The following PYHIN1 variants were observed in gnomAD, a reference collection of about 807,000 sequenced individuals.
The protein encoded by PYHIN1 is pyrin and HIN domain-containing protein 1.
PYHIN1 carries 32 observed loss-of-function variants against 43.7 expected under a neutral mutation model. The observed-to-expected ratio is 0.73, with a 90% CI of 0.55 to 0.98. The LOEUF is 0.98. PYHIN1 is among the 50% of genes least tolerant of loss of function. The probability of loss-of-function intolerance (pLI) is 0.00; values close to 1 mark genes in which losing one functional copy is unlikely to be tolerated. For missense variants in PYHIN1, 588 were observed against 589.5 expected (o/e 1.00, Z 0.03); for synonymous variants, 205 against 203.1 (o/e 1.01, Z -0.08).
chr1:158,953,302 A>G (rs562885084), intron 7 of PYHIN1, among the ~76,000 whole-genome samples: 222 of 146,410 alleles, frequency 1.5e-3, no homozygotes, highest in Non-Finnish European at 1.6e-3. Context: ...GGGGCAGGGC[A>G]CAGACAAACA....
intron 2 of PYHIN1, among the ~76,000 whole-genome samples, chr1:158,938,167 C>G (rs1280604982): frequency 6.6e-6 from 1 of 152,140 alleles, no homozygotes; most frequent in Non-Finnish European, 1.5e-5. Flanking sequence ...GAAGGATGTT[C>G]TCACTGCACA....
In PYHIN1 at chr1:158,939,112, A is replaced by T; in HGVS notation, c.444A>T (p.Gly148=). 1 of 1,603,626 alleles carries T rather than the reference A, an allele frequency of 6.2e-7. No individual in the cohort carries two copies. Among genetic ancestry groups the T allele is most frequent in the Non-Finnish European group, 8.5e-7 (1 of 1,177,448 alleles). Residue 148 remains glycine, a synonymous_variant, in exon 4 of 9, where the codon GGA becomes GGT. Transcript: ENST00000368140. Reference sequence around the variant, plus strand: ...AAAAACCATCTGAAGAAGAGACTGGAACCAAAAGGAGTAAGATGTCCAAAG... The same window carrying T: ...AAAAACCATCTGAAGAAGAGACTGGTACCAAAAGGAGTAAGATGTCCAAAG... The part of the protein sequence containing the change: ...KRKKPSEEET[G]TKRSKMSKEQ...
intron 7 of PYHIN1, 133 bp from the exon 8 acceptor site, chr1:158,973,514 C>CAA: frequency 1.3e-6 from 1 of 782,836 alleles, no homozygotes; most frequent in Non-Finnish European, 2.0e-6. Context: ...TTCACACACA[C>CAA]ACACACACAC....
At chr1:158,952,217 G>A (rs1557833289) in intron 7 of PYHIN1, among the ~76,000 whole-genome samples, 1 of 151,680 alleles carries the variant, frequency 6.6e-6, no homozygotes, top group South Asian at 2.1e-4. Context: ...CTGCAGCTGG[G>A]CCTGGCTTCC....
At chr1:158,984,333 C>CT in the PYHIN1 span, among the ~76,000 whole-genome samples, 1 of 151,958 alleles carries the variant, frequency 6.6e-6, no homozygotes, top group African/African-American at 2.4e-5. Flanking sequence ...CCCAGAGACT[C>CT]TGATATATTG....
intron 8 of PYHIN1, among the ~76,000 whole-genome samples, chr1:158,976,113 C>T (rs769006057): frequency 1.3e-5 from 2 of 152,032 alleles, no homozygotes; most frequent in Non-Finnish European, 2.9e-5. Flanking sequence ...AGAAACATCT[C>T]TGTGTAGACA....
In PYHIN1 at chr1:158,933,315, G is replaced by A. The variant is rs1648279786; in HGVS notation, c.-21+1539G>A. ...TATATAACATTATATTATCATGAAG[G>A]ACTATACAATAATGAAAAATAATAT... On this transcript the variant is annotated intron_variant, in intron 1 of 8. Coordinates refer to ENST00000368140, the MANE Select transcript of PYHIN1 (RefSeq NM_152501.5). This position sits in a 1 kb window ranked among gnomAD's most constrained non-coding sequence, Gnocchi z 6.3. Among the ~76,000 whole-genome samples, 1 of 151,120 alleles carries A rather than the reference G, an allele frequency of 6.6e-6. No homozygotes were observed. Among genetic ancestry groups the A allele is most frequent in the Admixed American group, 6.6e-5 (1 of 15,130 alleles).
the PYHIN1 span, among the ~76,000 whole-genome samples, chr1:158,986,121 C>T: frequency 2.0e-5 from 3 of 152,114 alleles, no homozygotes; most frequent in African/African-American, 7.2e-5. Context: ...CAAGAATCTT[C>T]ATTGCCATCT....
intron 7 of PYHIN1, among the ~76,000 whole-genome samples, chr1:158,973,142 C>T (rs546867895): frequency 1.4e-3 from 202 of 146,954 alleles, no homozygotes; most frequent in Admixed American, 2.8e-3. Flanking sequence ...CCCCAAGATC[C>T]ACACTGACCC....
intron 7 of PYHIN1, among the ~76,000 whole-genome samples, chr1:158,953,061 G>A (rs140093323): frequency 0.11 from 16,944 of 152,188 alleles, 1,094 homozygotes; most frequent in Non-Finnish European, 0.12. Context: ...AAAAAATGGC[G>A]CACCAGGAGA....
rs751825087 is a variant in PYHIN1 at position 158,944,864 on chromosome 1, A to G, written c.1192-11A>G. Reference sequence around the variant, plus strand: ...TTAAAAAACATTAAACAAAAAAATGAATACTTTCAGATACAGAAAAATACA... The same window carrying G: ...TTAAAAAACATTAAACAAAAAAATGGATACTTTCAGATACAGAAAAATACA... On this transcript the variant is annotated splice_polypyrimidine_tract_variant and intron_variant, in intron 6 of 8. Coordinates refer to ENST00000368140, the MANE Select transcript of PYHIN1 (RefSeq NM_152501.5). 6.5e-7 allele frequency: 1 copy of G among 1,533,272 alleles called. No homozygotes were observed. Among genetic ancestry groups the G allele is most frequent in the East Asian group, 2.3e-5 (1 of 43,480 alleles). The allele number at this position is 1,533,272 out of a possible 1,614,324, so 95.0% of individuals were successfully genotyped here. A position where few individuals can be genotyped will look rare whatever the true frequency, so the allele number is the denominator to read the frequency against.
chr1:158,982,919 T>G, the PYHIN1 span, among the ~76,000 whole-genome samples: 3 of 152,038 alleles, frequency 2.0e-5, no homozygotes, highest in African/African-American at 7.2e-5. Flanking sequence ...AGGAACTATG[T>G]TCTTGGTTTG....
chr1:158,968,429 A>G (rs1392780760), intron 7 of PYHIN1, among the ~76,000 whole-genome samples: 1 of 152,126 alleles, frequency 6.6e-6, no homozygotes, highest in Non-Finnish European at 1.5e-5. Flanking sequence ...ACTGTTATTA[A>G]AAAGTCAAAA....
rs2101635756 is a variant in PYHIN1 at position 158,933,455 on chromosome 1, G to C, written c.-21+1679G>C. 6.6e-6 allele frequency among the ~76,000 whole-genome samples: 1 copy of C among 151,860 alleles called. No homozygotes were observed. Among genetic ancestry groups the C allele is most frequent in the African/African-American group, 2.4e-5 (1 of 41,480 alleles). On this transcript the variant is annotated intron_variant, in intron 1 of 8. Coordinates refer to ENST00000368140, the MANE Select transcript of PYHIN1 (RefSeq NM_152501.5). This position sits in a 1 kb window ranked among gnomAD's most constrained non-coding sequence, Gnocchi z 6.3. Reference sequence around the variant, plus strand: ...CTTTGTCTTAAGATCTTTTAAAAATGATTCTAGCATAGATAAGCTGGCTTT... The same window carrying C: ...CTTTGTCTTAAGATCTTTTAAAAATCATTCTAGCATAGATAAGCTGGCTTT...
intron 8 of PYHIN1, among the ~76,000 whole-genome samples, chr1:158,974,886 A>G (rs1342594421): frequency 6.6e-6 from 1 of 152,054 alleles, no homozygotes; most frequent in African/African-American, 2.4e-5. Flanking sequence ...TACTTAATAG[A>G]CATAATTGAA....
At chr1:158,963,150 G>A (rs1237752311) in intron 7 of PYHIN1, among the ~76,000 whole-genome samples, 1 of 152,162 alleles carries the variant, frequency 6.6e-6, no homozygotes, top group Non-Finnish European at 1.5e-5. Context: ...AGCTCCCAGA[G>A]GCAACCAAAA....
At chr1:158,956,844 T>C (rs929918251) in intron 7 of PYHIN1, among the ~76,000 whole-genome samples, 77 of 136,428 alleles carry the variant, frequency 5.6e-4, no homozygotes, top group African/African-American at 1.8e-3. Context: ...TGATTGTATA[T>C]CTAGAAAACC....
chr1:158,945,587 T>A (rs1649175849), intron 7 of PYHIN1, among the ~76,000 whole-genome samples: 1 of 152,178 alleles, frequency 6.6e-6, no homozygotes, highest in Non-Finnish European at 1.5e-5. Flanking sequence ...AACTGTTGAG[T>A]CCTCCTATTG....
At chr1:158,946,597 C>T (rs1302482455) in intron 7 of PYHIN1, among the ~76,000 whole-genome samples, 1 of 143,258 alleles carries the variant, frequency 7.0e-6, no homozygotes, top group East Asian at 2.1e-4. Flanking sequence ...ATAGATGAAA[C>T]ATAAAGCTGG....
Sources: gnomAD v4.1 joint callset for allele counts (sites outside exome capture counted in the v4.1 genomes callset) on GRCh38, gnomAD v4.1.1 for gene constraint, Gnocchi (gnomAD v3.1) non-coding constraint, MANE v1.5 for transcripts, NCBI Gene and HGNC (gene_info 2026-07-23, HGNC 2026-07-21) for gene names.